The following ZNF783 variants were observed in gnomAD, a reference collection of about 807,000 sequenced individuals.
ZNF783 encodes the protein protein ZNF783.
A neutral mutation model predicts 31.3 loss-of-function variants in ZNF783; 25 were observed. That is an observed-to-expected ratio of 0.80 (90% CI 0.58 to 1.11). ZNF783 has a LOEUF of 1.11. Among genes scored for constraint, ZNF783 ranks in the 50% most tolerant of loss-of-function variants. The pLI is 0.00. For synonymous variants in ZNF783, 369 were observed against 319.1 expected, an observed-to-expected ratio of 1.16 and a Z score of -1.66; for missense variants, 797 against 760.0, an observed-to-expected ratio of 1.05 and a Z score of -0.57.
chr7:149,265,474 G>C (rs1797042113), intron 1 of ZNF783, among the ~76,000 whole-genome samples: 1 of 152,154 alleles, frequency 6.6e-6, no homozygotes, highest in Non-Finnish European at 1.5e-5. Context: ...CTCTTTTCCT[G>C]GTTTGCAGAC....
chr7:149,266,405 A>G lies in ZNF783; in HGVS notation c.95A>G (p.Lys32Arg), dbSNP rs1335663458. ...CCCTTGCCCCAGCCAGCTGCTGAGA[A>G]GAACTCGTACCTCTACTCCACGGAA... ...STPLPQPAAE[K>R]NSYLYSTEIT... Residue 32 changes from lysine to arginine, a missense_variant, in exon 2 of 6, where the codon AAG (lysine) becomes AGG (arginine). Lys to Arg is a conservative substitution (Grantham distance 26, BLOSUM62 2). Coordinates refer to ENST00000434415, the MANE Select transcript of ZNF783 (RefSeq NM_001195220.2). 1 of 1,600,904 alleles carries G rather than the reference A, an allele frequency of 6.2e-7. No homozygotes were observed. The highest frequency in any genetic ancestry group is 1.3e-5 in the African/African-American group (1 of 74,886).
intron 4 of ZNF783, among the ~76,000 whole-genome samples, chr7:149,275,405 C>T (rs571091275): frequency 2.3e-4 from 35 of 151,646 alleles, no homozygotes; most frequent in South Asian, 4.2e-4. Context: ...CTGCGCCTCC[C>T]GGGTTCACGC....
chr7:149,278,133 C>G, intron 4 of ZNF783: 1 of 1,207,310 alleles, frequency 8.3e-7, no homozygotes, highest in South Asian at 2.0e-5. Flanking sequence ...CTTAAAATGC[C>G]AGATTCTGTC....
rs1797069304 is a variant in ZNF783 at position 149,266,486 on chromosome 7, C to A, written c.176C>A (p.Ser59Tyr). The stretch of plus-strand genomic sequence containing the variant: ...CAGGCCTTGGAGAAGAAGGTGGATT[C>A]CTGCCTGACCCGCTTGCTGACTCTG... ...AIQALEKKVD[S>Y]CLTRLLTLEG... is the part of the protein sequence containing the mutation. The change falls in exon 2 of 6, where the codon TCC becomes TAC. Residue 59 changes from serine (S) to tyrosine (Y), a missense_variant. Ser to Tyr is a moderately radical substitution (Grantham distance 144, BLOSUM62 -2). Coordinates refer to ENST00000434415, the MANE Select transcript of ZNF783 (RefSeq NM_001195220.2). The A allele has an allele frequency of 1.2e-6, 2 of 1,612,900 alleles. No homozygotes were observed. The highest frequency in any genetic ancestry group is 1.7e-5 in the Admixed American group (1 of 59,994).
chr7:149,262,803 G>A (rs1796962194), intron 1 of ZNF783, among the ~76,000 whole-genome samples: 1 of 152,384 alleles, frequency 6.6e-6, no homozygotes, highest in South Asian at 2.1e-4. Flanking sequence ...TCACGCCGGG[G>A]CAGGGATTTT....
rs35871161 is a variant in ZNF783, at chr7:149,270,250, A to AT, written c.673+3036dup. On this transcript the variant is annotated intron_variant, in intron 4 of 5. Transcript: ENST00000434415. ...GGGAAGGGAGTCTTTTCACCATTGC[A>AT]TTTTTTTTAGTCAGACTACAGGTGC... is the stretch of plus-strand genomic sequence containing the variant. Among the ~76,000 whole-genome samples, 23 of 152,094 alleles carry AT rather than the reference A, an allele frequency of 1.5e-4. No homozygotes were observed. The East Asian group carries it at 1.5e-3, about 10-fold the overall frequency.
rs1013439528 is a variant in ZNF783 at position 149,262,376 on chromosome 7, G to T, written c.24+19G>T. On this transcript the variant is annotated intron_variant, in intron 1 of 5. Transcript: ENST00000434415. Reference sequence around the variant, plus strand: ...TGCCCGGGTAAGCGCCCTCGGCCCCGCGGACGCCCGGAAGGCCCAGGCCGC... The same window carrying T: ...TGCCCGGGTAAGCGCCCTCGGCCCCTCGGACGCCCGGAAGGCCCAGGCCGC... 1 of 1,271,552 alleles carries T rather than the reference G, an allele frequency of 7.9e-7. No individual in the cohort carries two copies. Among genetic ancestry groups the T allele is most frequent in the Non-Finnish European group, 9.9e-7 (1 of 1,010,542 alleles). The allele number at this position is 1,271,552 out of a possible 1,614,324, so 78.8% of individuals were successfully genotyped here. A position where few individuals can be genotyped will look rare whatever the true frequency, so the allele number is the denominator to read the frequency against.
At position 149,266,628 on chromosome 7, in the gene ZNF783, C is replaced by T. The variant is rs369825545; in HGVS notation, c.318C>T (p.Tyr106=). 2.7e-5 allele frequency: 43 copies of T among 1,614,014 alleles called. No individual in the cohort carries two copies. Among genetic ancestry groups the T allele is most frequent in the Middle Eastern group, 1.6e-4 (1 of 6,078 alleles). Residue 106 remains tyrosine, a synonymous_variant, in exon 2 of 6, where the codon TAC becomes TAT. Coordinates refer to ENST00000434415, the MANE Select transcript of ZNF783 (RefSeq NM_001195220.2). ...WAVLGTLLQE[Y]GLLQRRLENV... is the part of the protein sequence containing the mutation. ...TGCTGGGGACCTTGCTGCAGGAGTACGGGCTGCTGCAGAGGCGGCTGGAGA... is the reference window on the plus strand; with the variant it reads ...TGCTGGGGACCTTGCTGCAGGAGTATGGGCTGCTGCAGAGGCGGCTGGAGA...
At position 149,266,539 on chromosome 7, in the gene ZNF783, A is replaced by C. The variant is rs760021439; in HGVS notation, c.229A>C (p.Lys77Gln). The change falls in exon 2 of 6, where the codon AAG becomes CAG. Residue 77 changes from lysine (K) to glutamine (Q), a missense_variant. Physicochemically the swap from Lys to Gln is moderately conservative, Grantham distance 53. Transcript: ENST00000434415. ...GGGGCGCACGGGGACAGCCGAGAAG[A>C]AGCTGGCCGACTGCGAGAAGACAGC... Reference protein sequence around the residue: ...LEGRTGTAEKKLADCEKTAVE... With the variant: ...LEGRTGTAEKQLADCEKTAVE... 2.5e-6 allele frequency: 4 copies of C among 1,614,144 alleles called. No individual in the cohort carries two copies. In the South Asian group the frequency reaches 4.4e-5, roughly 18 times the overall value.
At chr7:149,263,155 C>T (rs903437716) in intron 1 of ZNF783, among the ~76,000 whole-genome samples, 2 of 151,952 alleles carry the variant, frequency 1.3e-5, no homozygotes, top group Admixed American at 6.6e-5. Flanking sequence ...TCTCGAACCC[C>T]TGACCTCGTG....
chr7:149,263,121 GTT>G (rs745726290), intron 1 of ZNF783, among the ~76,000 whole-genome samples: 4 of 151,486 alleles, frequency 2.6e-5, no homozygotes, highest in African/African-American at 4.8e-5. Context: ...TAGAGACTGG[GTT>G]TCACTATGTT....
In ZNF783 at chr7:149,282,083, A is replaced by G. The variant is rs1797488226; in HGVS notation, c.1381A>G (p.Asn461Asp). ...LLLHQRLHTG[N>D]GQGWPACPYC... ...GCTGCACCAGCGCCTGCACACCGGC[A>G]ATGGCCAGGGCTGGCCCGCCTGCCC... The change falls in exon 6 of 6, where the codon AAT becomes GAT. Residue 461 changes from asparagine to aspartate, a missense_variant. Physicochemically the swap from Asn to Asp is conservative, Grantham distance 23. Coordinates refer to ENST00000434415, the MANE Select transcript of ZNF783 (RefSeq NM_001195220.2). The G allele has an allele frequency of 6.3e-7, 1 of 1,596,744 alleles. No individual in the cohort carries two copies. Among genetic ancestry groups the G allele is most frequent in the Non-Finnish European group, 8.5e-7 (1 of 1,178,926 alleles).
At chr7:149,277,856 C>T (rs146789671) in intron 4 of ZNF783, 187 of 153,082 alleles carry the variant, frequency 1.2e-3, no homozygotes, top group Middle Eastern at 0.01. Context: ...GGGTTGGTTA[C>T]GATCACTCTG....
chr7:149,279,237 T>C (rs6944885), intron 5 of ZNF783, among the ~76,000 whole-genome samples: 28,884 of 152,202 alleles, frequency 0.19, 2,954 homozygotes, highest in Admixed American at 0.31. Context: ...AGTGTGTAAG[T>C]CTGGGCTCTG....
intron 4 of ZNF783, among the ~76,000 whole-genome samples, chr7:149,273,108 T>C (rs1797245424): frequency 6.6e-6 from 1 of 152,122 alleles, no homozygotes; most frequent in African/African-American, 2.4e-5. Flanking sequence ...TGAGTATTAC[T>C]CTATTGTGTA....
chr7:149,263,441 TC>T (rs1796992556), intron 1 of ZNF783, among the ~76,000 whole-genome samples: 1 of 151,156 alleles, frequency 6.6e-6, no homozygotes, highest in African/African-American at 2.4e-5. Context: ...TGCCTCAGCC[TC>T]CCAATCCCAA....
chr7:149,272,421 G>A (rs150060004), intron 4 of ZNF783, among the ~76,000 whole-genome samples: 58 of 152,260 alleles, frequency 3.8e-4, no homozygotes, highest in Admixed American at 5.2e-4. Flanking sequence ...CATAGGGCTC[G>A]TATCATTTGC....
In ZNF783 at chr7:149,282,666, G is replaced by C; in HGVS notation, c.*323G>C. ...CCAGTATGGGGGCGATAGAGACATC[G>C]GGGACCTGGGATTTTTGTTTTGTGC... On this transcript the variant is annotated 3_prime_UTR_variant, in exon 6 of 6. Coordinates refer to ENST00000434415, the MANE Select transcript of ZNF783 (RefSeq NM_001195220.2). 1 of 278,060 alleles carries C rather than the reference G, an allele frequency of 3.6e-6. No homozygotes were observed. The highest frequency in any genetic ancestry group is 6.6e-6 in the Non-Finnish European group (1 of 150,424). 17.2% of individuals were successfully genotyped at this position (278,060 alleles called of 1,614,324 possible). A position where few individuals can be genotyped will look rare whatever the true frequency, so the allele number is the denominator to read the frequency against.
In ZNF783 at chr7:149,282,327, G is replaced by A. The variant is rs757870946; in HGVS notation, c.1625G>A (p.Arg542Gln). The change falls in exon 6 of 6, where the codon CGG becomes CAG. Residue 542 changes from arginine to glutamine, a missense_variant. Transcript: ENST00000434415. ...AGCCTGCCCCTGCCCTGGCCCAGCC[G>A]GAAGGAGGAGGGCTGACCTGGCAGG... ...HGSLPLPWPS[R>Q]KEEG 9 of 1,529,726 alleles carry A rather than the reference G, an allele frequency of 5.9e-6. No homozygotes were observed. Among genetic ancestry groups the A allele is most frequent in the Non-Finnish European group, 7.9e-6 (9 of 1,145,238 alleles). The allele number at this position is 1,529,726 out of a possible 1,614,324, so 94.8% of individuals were successfully genotyped here. A position where few individuals can be genotyped will look rare whatever the true frequency, so the allele number is the denominator to read the frequency against.
Sources: gnomAD v4.1 joint callset for allele counts (sites outside exome capture counted in the v4.1 genomes callset) on GRCh38, gnomAD v4.1.1 for gene constraint, MANE v1.5 for transcripts, NCBI Gene and HGNC (gene_info 2026-07-23, HGNC 2026-07-21) for gene names.